Variants in PODXL observed in about 807,000 individuals in gnomAD.
PODXL encodes podocalyxin like.
PODXL carries 20 observed loss-of-function variants against 48.9 expected under a neutral mutation model. The observed-to-expected ratio is 0.41, with a 90% confidence interval of 0.29 to 0.59. The LOEUF is 0.59. PODXL is among the 20% of genes least tolerant of loss of function. PODXL has a pLI of 0.31. For missense variants in PODXL, 606 were observed against 675.1 expected (o/e 0.90, Z 1.13); for synonymous variants, 295 against 287.4 (o/e 1.03, Z -0.27).
At chr7:131,509,266 A>C in intron 4 of PODXL, 99 bp downstream of exon 4, 1 of 1,003,144 alleles carries the variant, frequency 1.0e-6, no homozygotes, top group Non-Finnish European at 1.6e-6. Context: ...AGCCCCAGCC[A>C]GGGGCCCTGC....
At chr7:131,544,203 GC>G (rs1275922083) in intron 1 of PODXL, among the ~76,000 whole-genome samples, 5 of 152,178 alleles carry the variant, frequency 3.3e-5, no homozygotes, top group African/African-American at 1.2e-4. Context: ...CCTGCCACCA[GC>G]CCTGTGTACA....
intron 1 of PODXL, among the ~76,000 whole-genome samples, chr7:131,555,364 G>C (rs1317309388): frequency 2.0e-5 from 3 of 152,196 alleles, no homozygotes; most frequent in African/African-American, 7.2e-5. Flanking sequence ...CACCTGTTCT[G>C]GTTGAGTTTG....
chr7:131,544,657 ACGCACGCACGCCC>A lies in PODXL; in HGVS notation c.100+11590_100+11602del, dbSNP rs1562917800. ...GGCCTCCGCACGCACGCCCTGTACT[ACGCACGCACGCCC>A]TGTACTACGCTTGGCAGTGCCCCCG... On this transcript the variant is annotated intron_variant, in intron 1 of 8. Transcript: ENST00000378555. Among the ~76,000 whole-genome samples, 44 of 13,182 alleles carry A rather than the reference ACGCACGCACGCCC, an allele frequency of 3.3e-3. No individual in the cohort carries two copies. The South Asian group carries it at 0.05, about 15-fold the overall frequency. 8.6% of individuals were successfully genotyped at this position (13,182 alleles called of 152,430 possible).
chr7:131,512,648 C>CA (rs1438957807), intron 1 of PODXL, among the ~76,000 whole-genome samples: 2 of 151,994 alleles, frequency 1.3e-5, no homozygotes, highest in Non-Finnish European at 2.9e-5. Flanking sequence ...ACTGAGCGTC[C>CA]AAACCAGACA....
chr7:131,546,657 C>T (rs890263722), intron 1 of PODXL, among the ~76,000 whole-genome samples: 4 of 128,514 alleles, frequency 3.1e-5, no homozygotes, highest in African/African-American at 1.2e-4. Context: ...ACTCCTGAGG[C>T]GGAGGTTGCA....
Position 131,504,004 on chromosome 7 carries a change from C to G in PODXL, c.*307G>C. 1 of 413,854 alleles carries G rather than the reference C, an allele frequency of 2.4e-6. No individual in the cohort carries two copies. The highest frequency in any genetic ancestry group is 2.5e-5 in the South Asian group (1 of 39,842). 25.6% of individuals were successfully genotyped at this position (413,854 alleles called of 1,614,324 possible). ...CTTACCCTCTTCAGGTCTCGGCAATCTCACTGCAGAATGAAGGGATTCCAC... is the reference window on the plus strand; with the variant it reads ...CTTACCCTCTTCAGGTCTCGGCAATGTCACTGCAGAATGAAGGGATTCCAC... On this transcript the variant is annotated 3_prime_UTR_variant, in exon 9 of 9. Coordinates refer to ENST00000378555, the MANE Select transcript of PODXL (RefSeq NM_001018111.3).
chr7:131,555,536 C>G (rs1312202874), intron 1 of PODXL, among the ~76,000 whole-genome samples: 2 of 152,016 alleles, frequency 1.3e-5, no homozygotes, highest in Non-Finnish European at 2.9e-5. Context: ...GAGAAGTTCC[C>G]GTTTGAACAA....
intron 1 of PODXL, among the ~76,000 whole-genome samples, chr7:131,539,034 G>C (rs1798430010): frequency 6.6e-6 from 1 of 152,224 alleles, no homozygotes; most frequent in Non-Finnish European, 1.5e-5. Flanking sequence ...CGAGGACGGG[G>C]ACAGGGCTGA....
chr7:131,514,379 C>G (rs936020529), intron 1 of PODXL, among the ~76,000 whole-genome samples: 2 of 152,058 alleles, frequency 1.3e-5, no homozygotes, highest in African/African-American at 4.8e-5. Flanking sequence ...TGCCACTGCA[C>G]TCCGGCCTGG....
intron 1 of PODXL, among the ~76,000 whole-genome samples, chr7:131,514,383 G>A (rs753536345): frequency 1.8e-4 from 27 of 152,106 alleles, no homozygotes; most frequent in African/African-American, 5.3e-4. Flanking sequence ...ACTGCACTCC[G>A]GCCTGGGTGA....
chr7:131,540,484 A>G (rs1798457234), intron 1 of PODXL, among the ~76,000 whole-genome samples: 1 of 151,394 alleles, frequency 6.6e-6, no homozygotes, highest in African/African-American at 2.4e-5. Context: ...TACCCATCAC[A>G]CTGGGTCTGC....
chr7:131,506,061 G>A (rs1436057882), intron 7 of PODXL, 26 bp from the exon 8 acceptor site: 1 of 1,600,596 alleles, frequency 6.2e-7, no homozygotes, highest in East Asian at 2.2e-5. Flanking sequence ...CAGAGAACAG[G>A]CTGGGGGCAT....
At position 131,511,239 on chromosome 7, in the gene PODXL, C is replaced by T; in HGVS notation, c.295G>A (p.Val99Ile). Residue 99 changes from valine (V) to isoleucine (I), a missense_variant, in exon 2 of 9, where the codon GTC becomes ATC. Coordinates refer to ENST00000378555, the MANE Select transcript of PODXL (RefSeq NM_001018111.3). ...SPGTTTLAQQ[V>I]SGPVNTTVAR... ...ACGGTAGTGTTGACTGGGCCTGAGA[C>T]TTGCTGAGCCAGGGTTGTAGTCCCC... 6.2e-7 allele frequency: 1 copy of T among 1,614,060 alleles called. No individual in the cohort carries two copies.
At chr7:131,509,053 G>T (rs1344212905) in intron 4 of PODXL, 25 bp from the exon 5 acceptor site, 1 of 1,584,944 alleles carries the variant, frequency 6.3e-7, no homozygotes, top group Admixed American at 1.7e-5. Flanking sequence ...TGAGATTAAG[G>T]TTTGGGCTAA....
Position 131,511,262 on chromosome 7 carries a change from C to A in PODXL, c.272G>T (p.Gly91Val), listed in dbSNP as rs1448320151. The A allele has an allele frequency of 1.2e-6, 2 of 1,613,926 alleles. No individual in the cohort carries two copies. Among genetic ancestry groups the A allele is most frequent in the South Asian group, 2.2e-5 (2 of 91,070 alleles). Residue 91 changes from glycine to valine, a missense_variant, in exon 2 of 9, where the codon GGG becomes GTG. Gly to Val is a moderately radical substitution (Grantham distance 109). Coordinates refer to ENST00000378555, the MANE Select transcript of PODXL (RefSeq NM_001018111.3). ...GACTTGCTGAGCCAGGGTTGTAGTC[C>A]CCGGTGAGTCACTGGATACACCAAG... Reference protein sequence around the residue: ...TTLGVSSDSPGTTTLAQQVSG... With the variant: ...TTLGVSSDSPVTTTLAQQVSG...
chr7:131,505,857 C>A lies in PODXL; in HGVS notation c.1479+11G>T. 1 of 1,552,082 alleles carries A rather than the reference C, an allele frequency of 6.4e-7. No homozygotes were observed. The highest frequency in any genetic ancestry group is 8.7e-7 in the Non-Finnish European group (1 of 1,148,054). On this transcript the variant is annotated intron_variant, in intron 8 of 8. Coordinates refer to ENST00000378555, the MANE Select transcript of PODXL (RefSeq NM_001018111.3). ...GCTGCTTCCCCTGTGTGGCTGCAAA[C>A]AGCTGCTTACCTGGTCCTTCCTCTG... is the stretch of plus-strand genomic sequence containing the variant.
chr7:131,546,725 C>CAA (rs10593482), intron 1 of PODXL, among the ~76,000 whole-genome samples: 25 of 50,132 alleles, frequency 5.0e-4, no homozygotes, highest in African/African-American at 6.3e-4. Flanking sequence ...GGCCCTGTCT[C>CAA]AAAAAAAAAA....
At chr7:131,510,675 T>C (rs2097930006) in intron 2 of PODXL, among the ~76,000 whole-genome samples, 153 bp downstream of exon 2, 1 of 152,076 alleles carries the variant, frequency 6.6e-6, no homozygotes, top group Non-Finnish European at 1.5e-5. Flanking sequence ...TTTCGCCATG[T>C]TGGCCAGGCT....
chr7:131,511,028 T>C lies in PODXL; in HGVS notation c.506A>G (p.Asp169Gly). Residue 169 changes from aspartate (D) to glycine (G), a missense_variant, in exon 2 of 9, where the codon GAC (aspartate) becomes GGC (glycine). Asp to Gly is a moderately conservative substitution (Grantham distance 94). Coordinates refer to ENST00000378555, the MANE Select transcript of PODXL (RefSeq NM_001018111.3). ...ATGTTCTGCCTTAGTGGATGTGAGG[T>C]CTGTGGTCACACTGTGGCTGCTTTT... ...GGKSSHSVTT[D>G]LTSTKAEHLT... The C allele has an allele frequency of 1.2e-6, 2 of 1,614,026 alleles. No individual in the cohort carries two copies. Among genetic ancestry groups the C allele is most frequent in the East Asian group, 2.2e-5 (1 of 44,874 alleles).
Sources: allele counts gnomAD v4.1 joint callset (sites outside exome capture counted in the v4.1 genomes callset), GRCh38; gene constraint gnomAD v4.1.1; transcripts MANE v1.5; gene names NCBI Gene and HGNC (gene_info 2026-07-23, HGNC 2026-07-21).